The following ARHGAP10 variants were observed in gnomAD, a reference collection of about 807,000 sequenced individuals.
ARHGAP10 encodes the protein rho GTPase-activating protein 10.
In ARHGAP10, 87 loss-of-function variants were observed where a neutral mutation model predicts 108.6. That is an observed-to-expected ratio of 0.80 (90% CI 0.67 to 0.96). The LOEUF is 0.96. ARHGAP10 is among the 40% of genes least tolerant of loss of function. The pLI, the probability that ARHGAP10 is intolerant of heterozygous loss-of-function variation, is 0.00. For missense variants in ARHGAP10, 939 were observed against 954.5 expected, an observed-to-expected ratio of 0.98 and a Z score of 0.21; for synonymous variants, 347 against 341.1, an observed-to-expected ratio of 1.02 and a Z score of -0.19.
At chr4:147,834,570 A>G (rs1251152262) in intron 3 of ARHGAP10, among the ~76,000 whole-genome samples, 1 of 152,226 alleles carries the variant, frequency 6.6e-6, no homozygotes, top group South Asian at 2.1e-4. Context: ...CTGGGGATTA[A>G]GTTTCAACTT....
chr4:147,989,100 G>A (rs867098270), intron 18 of ARHGAP10, among the ~76,000 whole-genome samples: 22 of 152,230 alleles, frequency 1.4e-4, no homozygotes, highest in African/African-American at 3.9e-4. Flanking sequence ...AAAGCTGGGC[G>A]TCCGGGGGAG....
chr4:147,780,635 A>G (rs999584348), intron 1 of ARHGAP10, among the ~76,000 whole-genome samples: 2 of 152,156 alleles, frequency 1.3e-5, no homozygotes, highest in South Asian at 2.1e-4. Context: ...TCTCCTTTGC[A>G]TGGAGAGGGA....
intron 1 of ARHGAP10, among the ~76,000 whole-genome samples, chr4:147,759,788 G>T (rs866272547): frequency 1.3e-5 from 2 of 151,928 alleles, no homozygotes; most frequent in East Asian, 3.9e-4. Context: ...TCACCCTGTC[G>T]CCCAGGCTGG....
intron 1 of ARHGAP10, among the ~76,000 whole-genome samples, chr4:147,735,904 G>A (rs1728393628): frequency 6.6e-6 from 1 of 152,140 alleles, no homozygotes; most frequent in Non-Finnish European, 1.5e-5. Flanking sequence ...TGATGTCTAT[G>A]TAGTTTCAGT....
chr4:148,005,615 T>G (rs2149649473), intron 18 of ARHGAP10, among the ~76,000 whole-genome samples: 1 of 152,342 alleles, frequency 6.6e-6, no homozygotes, highest in African/African-American at 2.4e-5. Flanking sequence ...TATGTCAATT[T>G]GACTAATCTG....
chr4:147,804,667 TG>T, intron 1 of ARHGAP10, among the ~76,000 whole-genome samples: 1 of 152,384 alleles, frequency 6.6e-6, no homozygotes, highest in African/African-American at 2.4e-5. Flanking sequence ...TTTGACTTTT[TG>T]GTAGCCATTG....
chr4:147,794,966 T>G (rs1254117400), intron 1 of ARHGAP10, among the ~76,000 whole-genome samples: 1 of 152,236 alleles, frequency 6.6e-6, no homozygotes, highest in Non-Finnish European at 1.5e-5. Flanking sequence ...GTTTTGAGGT[T>G]TCCAGCTGCT....
chr4:147,892,298 A>G (rs1735820594), intron 10 of ARHGAP10, among the ~76,000 whole-genome samples: 1 of 152,246 alleles, frequency 6.6e-6, no homozygotes. Context: ...TCAATTTAAA[A>G]GAGTGAGTTA....
intron 13 of ARHGAP10, among the ~76,000 whole-genome samples, chr4:147,923,895 G>A (rs1371738342): frequency 2.0e-5 from 3 of 152,278 alleles, no homozygotes; most frequent in South Asian, 4.1e-4. Context: ...TACCAATTGC[G>A]CATTAATTTT....
At chr4:147,906,602 C>G (rs1395385941) in intron 10 of ARHGAP10, 36 bp from the exon 11 acceptor site, 3 of 1,606,486 alleles carry the variant, frequency 1.9e-6, no homozygotes, top group African/African-American at 1.3e-5. Flanking sequence ...TTTTAGTGGC[C>G]AAGGGGTAAC....
intron 18 of ARHGAP10, among the ~76,000 whole-genome samples, chr4:148,003,206 T>G (rs1285925114): frequency 1.3e-5 from 2 of 152,228 alleles, no homozygotes; most frequent in East Asian, 1.9e-4. Flanking sequence ...TTGTTCAGTT[T>G]CCATGTAGTT....
intron 18 of ARHGAP10, among the ~76,000 whole-genome samples, chr4:147,977,326 A>C (rs1468214223): frequency 6.6e-6 from 1 of 151,928 alleles, no homozygotes; most frequent in Non-Finnish European, 1.5e-5. Context: ...GGAAGGCACC[A>C]TCAGGTGCCT....
intron 10 of ARHGAP10, among the ~76,000 whole-genome samples, chr4:147,901,939 C>T (rs898247406): frequency 1.3e-5 from 2 of 152,170 alleles, no homozygotes; most frequent in Non-Finnish European, 2.9e-5. Flanking sequence ...CTAGAGAGGA[C>T]AAGGAATTTC....
chr4:148,044,337 C>T lies in ARHGAP10; in HGVS notation c.1868-2555C>T, dbSNP rs1345082303. Among the ~76,000 whole-genome samples the T allele has an allele frequency of 2.0e-5, 3 of 152,114 alleles. No homozygotes were observed. In the South Asian group the frequency reaches 6.2e-4, roughly 32 times the overall value. ...TTGCTTCTCATTGACAGGTTTCTCT[C>T]GGTAGGAGTAAGTCAGGGAATAAAC... On this transcript the variant is annotated intron_variant, in intron 19 of 22. Coordinates refer to ENST00000336498, the MANE Select transcript of ARHGAP10 (RefSeq NM_024605.4).
At chr4:147,762,925 T>G (rs1579012972) in intron 1 of ARHGAP10, among the ~76,000 whole-genome samples, 1 of 152,198 alleles carries the variant, frequency 6.6e-6, no homozygotes, top group Non-Finnish European at 1.5e-5. Context: ...CTACTCTGGA[T>G]TCCATTTGCT....
intron 1 of ARHGAP10, among the ~76,000 whole-genome samples, chr4:147,807,312 A>G (rs1468732817): frequency 2.6e-5 from 4 of 152,214 alleles, no homozygotes; most frequent in African/African-American, 9.7e-5. Context: ...TTTTGAAATG[A>G]TAATTAAAGC....
chr4:147,794,961 G>A (rs1417974760), intron 1 of ARHGAP10, among the ~76,000 whole-genome samples: 1 of 152,166 alleles, frequency 6.6e-6, no homozygotes, highest in East Asian at 1.9e-4. Context: ...AGTACGTTTT[G>A]AGGTTTCCAG....
rs775350849 is a variant in ARHGAP10 at position 147,939,912 on chromosome 4, T to G, written c.1303+13T>G. 2 of 1,605,544 alleles carry G rather than the reference T, an allele frequency of 1.2e-6. No homozygotes were observed. Among genetic ancestry groups the G allele is most frequent in the East Asian group, 4.5e-5 (2 of 44,846 alleles). On this transcript the variant is annotated intron_variant, in intron 14 of 22. Transcript: ENST00000336498. ...AGTATGTTGATGGGTATGCCTCTTT[T>G]CTAATCATTTTTCCATGTGTTATTT...
intron 13 of ARHGAP10, among the ~76,000 whole-genome samples, chr4:147,920,056 C>T (rs983099904): frequency 1.3e-5 from 2 of 152,054 alleles, no homozygotes; most frequent in African/African-American, 4.8e-5. Context: ...TGGGATACAC[C>T]ATTGTTATCT....
Sources: gnomAD v4.1 joint callset for allele counts (sites outside exome capture counted in the v4.1 genomes callset) on GRCh38, gnomAD v4.1.1 for gene constraint, MANE v1.5 for transcripts, NCBI Gene and HGNC (gene_info 2026-07-23, HGNC 2026-07-21) for gene names.